The following VPS54 variants were observed in gnomAD, a reference collection of about 807,000 sequenced individuals.
The protein encoded by VPS54 is vacuolar protein sorting-associated protein 54.
Under a neutral mutation model 121.5 loss-of-function variants are expected in VPS54, and 45 were observed. That is an observed-to-expected ratio of 0.37 (90% CI 0.29 to 0.47). The LOEUF (loss-of-function observed/expected upper bound fraction) is 0.47, where lower values mean the gene tolerates loss of function less well. Ranked by LOEUF, VPS54 falls within the 20% of genes least tolerant of loss-of-function variation. The probability of loss-of-function intolerance (pLI) is 0.99; values close to 1 mark genes in which losing one functional copy is unlikely to be tolerated. For missense variants in VPS54, 1,090 were observed against 1,131.4 expected (o/e 0.96, Z 0.52); for synonymous variants, 371 against 385.8 (o/e 0.96, Z 0.45).
intron 12 of VPS54, among the ~76,000 whole-genome samples, chr2:63,932,093 T>C (rs890255189): frequency 5.3e-5 from 8 of 152,216 alleles, no homozygotes; most frequent in African/African-American, 1.9e-4. Flanking sequence ...TGGAAGACAG[T>C]GTGGCGATTC....
intron 11 of VPS54, 139 bp from the exon 12 acceptor site, chr2:63,934,152 G>T: frequency 5.6e-6 from 4 of 718,590 alleles, no homozygotes; most frequent in East Asian, 2.7e-5. Context: ...AATTTCTACC[G>T]ATCTTTTATT....
intron 7 of VPS54, among the ~76,000 whole-genome samples, chr2:63,958,164 A>G (rs987260281): frequency 5.3e-5 from 8 of 152,220 alleles, no homozygotes; most frequent in Non-Finnish European, 8.8e-5. Context: ...AAAGCCCAAT[A>G]GAAAGATTTA....
chr2:63,920,342 T>G, intron 14 of VPS54, 104 bp downstream of exon 14: 1 of 1,091,148 alleles, frequency 9.2e-7, no homozygotes, highest in East Asian at 2.9e-5. Flanking sequence ...AAAACCTTTA[T>G]CAGGCATTTT....
In VPS54 at chr2:63,947,446, CTT is replaced by C; in HGVS notation, c.1180_1181del (p.Lys394AlafsTer2). Reference protein sequence around the residue: ...SLVFGLLKQRKLNFLEIYGEK... With the variant: ...SLVFGLLKQRXLNFLEIYGEK... ...CACCATAGATTTCTAAAAAATTAAG[CTT>C]TCTTTGTTTTAAAAGTCCAAATACA... On this transcript the variant is annotated frameshift_variant, in exon 9 of 23. Transcript: ENST00000272322. LOFTEE classifies it high-confidence loss of function. 1 of 1,549,284 alleles carries C rather than the reference CTT, an allele frequency of 6.5e-7. No individual in the cohort carries two copies. The highest frequency in any genetic ancestry group is 8.8e-7 in the Non-Finnish European group (1 of 1,132,482).
chr2:63,904,636 T>C (rs1199856016), intron 20 of VPS54, among the ~76,000 whole-genome samples: 2 of 152,062 alleles, frequency 1.3e-5, no homozygotes, highest in African/African-American at 4.8e-5. Flanking sequence ...GTAATTGATA[T>C]AAGAAGTAGA....
chr2:63,981,927 A>C (rs1676818963), intron 2 of VPS54, 40 bp from the exon 3 acceptor site: 1 of 1,573,100 alleles, frequency 6.4e-7, no homozygotes, highest in South Asian at 1.2e-5. Flanking sequence ...AATGCTGTAA[A>C]ATTGGTTCTA....
intron 12 of VPS54, among the ~76,000 whole-genome samples, chr2:63,921,938 G>A (rs997311888): frequency 6.6e-6 from 1 of 152,270 alleles, no homozygotes; most frequent in Non-Finnish European, 1.5e-5. Flanking sequence ...TCAGGGGACA[G>A]TTGTGCATAG....
chr2:63,924,911 T>C lies in VPS54; in HGVS notation c.1740-3576A>G, dbSNP rs75098362. On this transcript the variant is annotated intron_variant, in intron 12 of 22. Coordinates refer to ENST00000272322, the MANE Select transcript of VPS54 (RefSeq NM_016516.3). ...CCTCATACTAAACATAAAAATCAAT[T>C]CTAGATGGATTGTAGGTCTTAATGT... Among the ~76,000 whole-genome samples, 100 of 152,290 alleles carry C rather than the reference T, an allele frequency of 6.6e-4. No individual in the cohort carries two copies. In the South Asian group the frequency reaches 0.01, roughly 16 times the overall value.
chr2:63,911,540 A>C (rs1330606212), intron 20 of VPS54, among the ~76,000 whole-genome samples: 1 of 152,142 alleles, frequency 6.6e-6, no homozygotes, highest in Non-Finnish European at 1.5e-5. Context: ...GGATTTTTAG[A>C]TGACTTGTGA....
chr2:63,916,799 A>T, intron 16 of VPS54, 101 bp downstream of exon 16: 1 of 1,158,370 alleles, frequency 8.6e-7, no homozygotes, highest in Non-Finnish European at 1.3e-6. Flanking sequence ...TAACACTGTT[A>T]AAACTGTTAA....
In VPS54 at chr2:63,927,968, G is replaced by A. The variant is rs533839256; in HGVS notation, c.1739+5705C>T. ...CGAGAAGACAAGATTAGAGAAAAAA[G>A]AGTGAAAAGAAATGAATAAAGCCTC... On this transcript the variant is annotated intron_variant, in intron 12 of 22. Transcript: ENST00000272322. Among the ~76,000 whole-genome samples, 25 of 152,262 alleles carry A rather than the reference G, an allele frequency of 1.6e-4. No homozygotes were observed. In the South Asian group the frequency reaches 5.0e-3, roughly 30 times the overall value.
Position 64,011,381 on chromosome 2 carries a change from C to T in VPS54, c.-21+7557G>A, listed in dbSNP as rs560961579. ...AGGATATCCAGACCATCATGGCCAA[C>T]ATGGTAAAACCCTGTCTCTACTAAA... On this transcript the variant is annotated intron_variant, in intron 1 of 22. Transcript: ENST00000272322. Among the ~76,000 whole-genome samples the T allele has an allele frequency of 3.9e-5, 6 of 152,148 alleles. No individual in the cohort carries two copies. In the South Asian group the frequency reaches 1.0e-3, roughly 26 times the overall value.
intron 2 of VPS54, 86 bp from the exon 3 acceptor site, chr2:63,981,973 C>T (rs2104614843): frequency 1.4e-6 from 2 of 1,403,618 alleles, no homozygotes; most frequent in Middle Eastern, 2.4e-4. Context: ...TAAAAATGCA[C>T]AGATTCCATC....
intron 20 of VPS54, among the ~76,000 whole-genome samples, chr2:63,901,924 A>T (rs889926465): frequency 2.0e-5 from 3 of 152,214 alleles, no homozygotes; most frequent in Non-Finnish European, 4.4e-5. Context: ...CTGAGGCAGC[A>T]GAATTGCTTG....
chr2:63,947,982 A>G (rs1415593584), intron 8 of VPS54, among the ~76,000 whole-genome samples: 1 of 152,018 alleles, frequency 6.6e-6, no homozygotes, highest in Non-Finnish European at 1.5e-5. Context: ...GACTAGAGGC[A>G]TGCACCACCA....
chr2:63,988,011 T>TC (rs1322906631), intron 1 of VPS54, among the ~76,000 whole-genome samples: 1 of 152,230 alleles, frequency 6.6e-6, no homozygotes, highest in African/African-American at 2.4e-5. Context: ...ATGCTTTCTT[T>TC]CTTTCTCCTG....
At chr2:63,986,626 C>G (rs1413978222) in intron 1 of VPS54, among the ~76,000 whole-genome samples, 1 of 152,168 alleles carries the variant, frequency 6.6e-6, no homozygotes, top group Non-Finnish European at 1.5e-5. Flanking sequence ...AGTGGGAATG[C>G]TGGATCATAC....
chr2:63,893,357 A>C lies in VPS54; in HGVS notation c.*73T>G. On this transcript the variant is annotated 3_prime_UTR_variant, in exon 23 of 23. Transcript: ENST00000272322. ...GGGTTTCAGGTTCAATTCTCGAATC[A>C]CAGGCATCCAGATTTTCTTCATAAC... 1 of 1,302,212 alleles carries C rather than the reference A, an allele frequency of 7.7e-7. No individual in the cohort carries two copies. The highest frequency in any genetic ancestry group is 1.2e-5 in the South Asian group (1 of 84,782). 80.7% of individuals were successfully genotyped at this position (1,302,212 alleles called of 1,614,324 possible). A position where few individuals can be genotyped will look rare whatever the true frequency, so the allele number is the denominator to read the frequency against.
At chr2:63,989,574 T>C (rs1677219018) in intron 1 of VPS54, among the ~76,000 whole-genome samples, 8 of 152,180 alleles carry the variant, frequency 5.3e-5, no homozygotes, top group Admixed American at 5.2e-4. Context: ...TTTTTCTTTT[T>C]TTCCTAAGTG....
Sources: allele counts gnomAD v4.1 joint callset (sites outside exome capture counted in the v4.1 genomes callset), GRCh38; gene constraint gnomAD v4.1.1; transcripts MANE v1.5; gene names NCBI Gene and HGNC (gene_info 2026-07-23, HGNC 2026-07-21).